RNF216: variants seen among roughly 807,000 people sequenced by gnomAD.
The protein encoded by RNF216 is ring finger protein 216.
A neutral mutation model predicts 110.8 loss-of-function variants in RNF216; 72 were observed. The ratio of observed to expected loss-of-function variants is 0.65; its 90% CI spans 0.54 to 0.79. RNF216 has a LOEUF of 0.79. RNF216 is among the 30% of genes least tolerant of loss of function. The pLI is 0.00. For missense variants in RNF216, 1,342 were observed against 1,141.2 expected (o/e 1.18, Z -2.54); for synonymous variants, 495 against 407.5 (o/e 1.21, Z -2.59).
At chr7:5,704,889 T>C (rs989732424) in intron 13 of RNF216, among the ~76,000 whole-genome samples, 2 of 152,254 alleles carry the variant, frequency 1.3e-5, no homozygotes, top group African/African-American at 4.8e-5. Context: ...ATGTGAATGC[T>C]GTTATCCATA....
intron 13 of RNF216, among the ~76,000 whole-genome samples, chr7:5,687,304 G>A (rs1419651007): frequency 2.7e-5 from 4 of 147,710 alleles, no homozygotes; most frequent in Admixed American, 2.7e-4. Flanking sequence ...GCTGAGGAGG[G>A]AGAATCACTT....
intron 3 of RNF216, among the ~76,000 whole-genome samples, chr7:5,749,874 C>G (rs574623381): frequency 6.6e-6 from 1 of 152,162 alleles, no homozygotes; most frequent in African/African-American, 2.4e-5. Flanking sequence ...AAAGAAGAAT[C>G]ATGGGTTTTT....
chr7:5,724,636 T>C (rs1196408940), intron 8 of RNF216, among the ~76,000 whole-genome samples: 1 of 152,240 alleles, frequency 6.6e-6, no homozygotes, highest in Non-Finnish European at 1.5e-5. Context: ...GAAAAGTTCA[T>C]AGTAAATACA....
intron 13 of RNF216, among the ~76,000 whole-genome samples, chr7:5,708,546 C>G (rs1792448198): frequency 6.6e-6 from 1 of 152,182 alleles, no homozygotes; most frequent in Non-Finnish European, 1.5e-5. Flanking sequence ...ACTTTCAGTA[C>G]AGTACTCAAT....
At chr7:5,629,136 A>C (rs916122104) in intron 15 of RNF216, among the ~76,000 whole-genome samples, 1 of 151,610 alleles carries the variant, frequency 6.6e-6, no homozygotes, top group Non-Finnish European at 1.5e-5. Flanking sequence ...TGGAGATTGC[A>C]ATGAGCAGAG....
intron 15 of RNF216, among the ~76,000 whole-genome samples, chr7:5,638,839 TG>T (rs1787560834): frequency 6.6e-6 from 1 of 152,104 alleles, no homozygotes; most frequent in Admixed American, 6.6e-5. Flanking sequence ...CTCACTATGT[TG>T]CCCAGGCTGT....
chr7:5,769,058 A>T (rs983548032), intron 1 of RNF216, among the ~76,000 whole-genome samples: 1 of 151,984 alleles, frequency 6.6e-6, no homozygotes, highest in African/African-American at 2.4e-5. Flanking sequence ...AAAACAAAAT[A>T]TATCAAAATT....
chr7:5,641,917 C>CAGCT (rs796498595), intron 14 of RNF216, among the ~76,000 whole-genome samples: 74 of 151,526 alleles, frequency 4.9e-4, no homozygotes, highest in African/African-American at 1.8e-3. Context: ...CCTGTAATCC[C>CAGCT]AGCTACTTGG....
chr7:5,736,447 A>G (rs1258259635), intron 5 of RNF216, among the ~76,000 whole-genome samples: 1 of 152,154 alleles, frequency 6.6e-6, no homozygotes, highest in Admixed American at 6.5e-5. Context: ...GCTGCAGTGC[A>G]GTGGCGCGAT....
rs1786578782 is a variant in RNF216, at chr7:5,624,359, T to C, written c.2383-234A>G. The stretch of plus-strand genomic sequence containing the variant: ...CCATCCACAAGGCTGGGCAGAGGGG[T>C]CTGAGCATGGCAGGCAGCTGCCTGG... On this transcript the variant is annotated intron_variant, in intron 15 of 16. Transcript: ENST00000389902. The surrounding 1 kb of genome is among the most constrained non-coding windows in gnomAD (Gnocchi z 4.4). Among the ~76,000 whole-genome samples the C allele has an allele frequency of 6.6e-6, 1 of 151,798 alleles. No homozygotes were observed. The highest frequency in any genetic ancestry group is 1.5e-5 in the Non-Finnish European group (1 of 67,956).
intron 2 of RNF216, among the ~76,000 whole-genome samples, chr7:5,754,161 TGC>T (rs1554263567): frequency 7.4e-6 from 1 of 135,712 alleles, no homozygotes; most frequent in African/African-American, 2.7e-5. Flanking sequence ...TGTGTGTGTG[TGC>T]GCATTTGTCT....
At chr7:5,737,052 G>A (rs551309536) in intron 5 of RNF216, among the ~76,000 whole-genome samples, 7 of 152,392 alleles carry the variant, frequency 4.6e-5, no homozygotes, top group African/African-American at 1.7e-4. Context: ...AACGGGCCAT[G>A]ATGACGATGA....
rs778993881 is a variant in RNF216 at position 5,711,735 on chromosome 7, A to T, written c.2061+26T>A. On this transcript the variant is annotated intron_variant, in intron 13 of 16. Transcript: ENST00000389902. Reference sequence around the variant, plus strand: ...CCCATAATACCATAATTCAATATACATCTAGAAAAAAATGTGCCTCCCTAC... The same window carrying T: ...CCCATAATACCATAATTCAATATACTTCTAGAAAAAAATGTGCCTCCCTAC... 1.1e-5 allele frequency: 17 copies of T among 1,593,076 alleles called. No individual in the cohort carries two copies. In the Admixed American group the frequency reaches 2.9e-4, roughly 27 times the overall value.
At chr7:5,729,691 A>G (rs1793974990) in intron 6 of RNF216, 95 bp from the exon 7 acceptor site, 1 of 1,075,806 alleles carries the variant, frequency 9.3e-7, no homozygotes, top group Non-Finnish European at 1.4e-6. Flanking sequence ...GAAAAGAATA[A>G]CATTTGTTCT....
rs1050187363 is a variant in RNF216, at chr7:5,652,338, G to A, written c.2159+75C>T. ...AAGCGTGTTCTTCCGACAACAGTAT[G>A]CCCTCTCTACCAAAAAGCAGGTTAA... On this transcript the variant is annotated intron_variant, in intron 14 of 16. Coordinates refer to ENST00000389902, the MANE Select transcript of RNF216 (RefSeq NM_207111.4). The A allele has an allele frequency of 8.7e-6, 9 of 1,040,160 alleles. No homozygotes were observed. In the African/African-American group the frequency reaches 1.1e-4, roughly 13 times the overall value. 64.4% of individuals were successfully genotyped at this position (1,040,160 alleles called of 1,614,324 possible). A position where few individuals can be genotyped will look rare whatever the true frequency, so the allele number is the denominator to read the frequency against.
chr7:5,689,540 A>G (rs576519207), intron 13 of RNF216, among the ~76,000 whole-genome samples: 1 of 152,278 alleles, frequency 6.6e-6, no homozygotes, highest in African/African-American at 2.4e-5. Flanking sequence ...GCTTGTAGTC[A>G]AGTAGTTTTC....
intron 14 of RNF216, among the ~76,000 whole-genome samples, chr7:5,644,786 A>AT (rs1787951233): frequency 6.6e-6 from 1 of 150,416 alleles, no homozygotes; most frequent in South Asian, 2.1e-4. Flanking sequence ...GATTACATGC[A>AT]TGAGCCACTG....
At chr7:5,671,288 T>C (rs977314996) in intron 13 of RNF216, among the ~76,000 whole-genome samples, 1 of 152,208 alleles carries the variant, frequency 6.6e-6, no homozygotes, top group East Asian at 1.9e-4. Flanking sequence ...TAACTGTTCC[T>C]GCTTTCTATT....
chr7:5,770,409 C>T (rs1326629704), intron 1 of RNF216, among the ~76,000 whole-genome samples: 36 of 150,502 alleles, frequency 2.4e-4, no homozygotes, highest in Admixed American at 2.3e-3. Context: ...TGTGGTGAGC[C>T]GAGATCATGC....
Sources: gnomAD v4.1 joint callset for allele counts (sites outside exome capture counted in the v4.1 genomes callset) on GRCh38, gnomAD v4.1.1 for gene constraint, Gnocchi (gnomAD v3.1) non-coding constraint, MANE v1.5 for transcripts, NCBI Gene and HGNC (gene_info 2026-07-23, HGNC 2026-07-21) for gene names.